Variants in NRCAM observed in about 807,000 individuals in gnomAD.
The protein encoded by NRCAM is neuronal cell adhesion molecule.
A neutral mutation model predicts 156.5 loss-of-function variants in NRCAM; 83 were observed. That is an observed-to-expected ratio of 0.53 (90% CI 0.44 to 0.64). NRCAM has a LOEUF of 0.64. Among genes scored for constraint, NRCAM ranks in the 30% least tolerant of loss-of-function variants. The pLI, the probability that NRCAM is intolerant of heterozygous loss-of-function variation, is 0.00. For missense variants in NRCAM, 1,417 were observed against 1,597.3 expected (o/e 0.89, Z 1.92); for synonymous variants, 538 against 563.9 (o/e 0.95, Z 0.65).
chr7:108,361,754 A>C (rs2099552809), intron 2 of NRCAM, among the ~76,000 whole-genome samples: 1 of 152,116 alleles, frequency 6.6e-6, no homozygotes, highest in African/African-American at 2.4e-5. Flanking sequence ...AGCCAGCCAA[A>C]TCTCTTTATT....
intron 2 of NRCAM, among the ~76,000 whole-genome samples, chr7:108,396,245 T>G (rs1013868731): frequency 1.3e-5 from 2 of 152,184 alleles, no homozygotes; most frequent in African/African-American, 4.8e-5. Context: ...TGCGCATAAA[T>G]GAGTAGAAAC....
rs570174139 is a variant in NRCAM, at chr7:108,237,644, A to G, written c.124+108T>C. 6.6e-6 allele frequency: 5 copies of G among 761,704 alleles called. No homozygotes were observed. In the African/African-American group the frequency reaches 9.0e-5, roughly 14 times the overall value. 47.2% of individuals were successfully genotyped at this position (761,704 alleles called of 1,614,324 possible). A position where few individuals can be genotyped will look rare whatever the true frequency, so the allele number is the denominator to read the frequency against. On this transcript the variant is annotated intron_variant, in intron 5 of 32. Transcript: ENST00000379028. ...AGTAAACACACATGCTTAGAAAGAC[A>G]AAGGTCACAAAACATGAAATTGTGC...
Position 108,183,022 on chromosome 7 carries a change from T to C in NRCAM, c.2305-102A>G, listed in dbSNP as rs77190510. On this transcript the variant is annotated intron_variant, in intron 22 of 32. Coordinates refer to ENST00000379028, the MANE Select transcript of NRCAM (RefSeq NM_001037132.4). ...TTCCCAGACCTACAGAAAGTGATCA[T>C]TGAAATACTAAAACACAAGCTATTA... is the stretch of plus-strand genomic sequence containing the variant. 5.9e-4 allele frequency: 546 copies of C among 924,058 alleles called. 1 individual carries two copies. The African/African-American group carries it at 7.7e-3, about 13-fold the overall frequency. 57.2% of individuals were successfully genotyped at this position (924,058 alleles called of 1,614,324 possible).
chr7:108,339,660 G>A (rs1411580906), intron 2 of NRCAM, among the ~76,000 whole-genome samples: 15 of 152,146 alleles, frequency 9.9e-5, no homozygotes, highest in East Asian at 1.9e-4. Flanking sequence ...ATTGGTAAGC[G>A]TAACTAATCC....
chr7:108,438,525 T>C (rs1383692511), intron 1 of NRCAM, among the ~76,000 whole-genome samples: 2 of 152,240 alleles, frequency 1.3e-5, no homozygotes, highest in Middle Eastern at 3.4e-3. Flanking sequence ...TGACTTCTAT[T>C]AAAAAATCTA....
At chr7:108,150,269 T>C (rs958981413) in intron 32 of NRCAM, 122 bp from the exon 33 acceptor site, 19 of 794,166 alleles carry the variant, frequency 2.4e-5, no homozygotes, top group Admixed American at 7.2e-5. Context: ...TGGCCAAATC[T>C]AATTTTCAGG....
rs190948277 is a variant in NRCAM at position 108,159,332 on chromosome 7, T to A, written c.3677+131A>T. The A allele has an allele frequency of 5.0e-6, 4 of 804,240 alleles. No individual in the cohort carries two copies. In the East Asian group the frequency reaches 9.8e-5, roughly 20 times the overall value. 49.8% of individuals were successfully genotyped at this position (804,240 alleles called of 1,614,324 possible). ...TGAGGGACATGTAAACACTGATACA[T>A]GGAAGTATCCCTAAACTTCTATTTG... On this transcript the variant is annotated intron_variant, in intron 32 of 32. Transcript: ENST00000379028.
chr7:108,182,635 T>C, intron 23 of NRCAM, 60 bp downstream of exon 23: 1 of 1,505,644 alleles, frequency 6.6e-7, no homozygotes, highest in South Asian at 1.1e-5. Flanking sequence ...AGAAATGGCC[T>C]TGGCTTGCAC....
intron 2 of NRCAM, among the ~76,000 whole-genome samples, chr7:108,397,532 T>C (rs2099780386): frequency 6.6e-6 from 1 of 152,154 alleles, no homozygotes; most frequent in African/African-American, 2.4e-5. Context: ...CTCAACCATG[T>C]CCTGGGTGGA....
rs2098201613 is a variant in NRCAM at position 108,289,084 on chromosome 7, T to C, written c.-107+23581A>G. On this transcript the variant is annotated intron_variant, in intron 3 of 32. Coordinates refer to ENST00000379028, the MANE Select transcript of NRCAM (RefSeq NM_001037132.4). The stretch of plus-strand genomic sequence containing the variant: ...AGCGATCACAGGATACAACTGTCTG[T>C]TTCAAATAGAAATGCAAAATAACCA... Among the ~76,000 whole-genome samples, 3 of 152,110 alleles carry C rather than the reference T, an allele frequency of 2.0e-5. No individual in the cohort carries two copies. The South Asian group carries it at 6.2e-4, about 31-fold the overall frequency.
chr7:108,374,027 G>C (rs6968548), intron 2 of NRCAM, among the ~76,000 whole-genome samples: 2 of 152,130 alleles, frequency 1.3e-5, no homozygotes, highest in Non-Finnish European at 2.9e-5. Context: ...CAGAGACACA[G>C]AACTGCTTCA....
intron 3 of NRCAM, among the ~76,000 whole-genome samples, chr7:108,251,827 G>C (rs2096368588): frequency 6.6e-6 from 1 of 152,188 alleles, no homozygotes; most frequent in African/African-American, 2.4e-5. Flanking sequence ...GTGGGGCCAA[G>C]TTGGATAATA....
At chr7:108,317,770 G>A (rs893893124) in intron 2 of NRCAM, among the ~76,000 whole-genome samples, 2 of 151,716 alleles carry the variant, frequency 1.3e-5, no homozygotes, top group African/African-American at 2.4e-5. Context: ...TTAGTTGGAC[G>A]TGGTGGCGGG....
intron 2 of NRCAM, among the ~76,000 whole-genome samples, chr7:108,378,680 C>CACACAAACTCCAAG (rs2099687199): frequency 7.2e-6 from 1 of 139,222 alleles, no homozygotes; most frequent in Non-Finnish European, 1.6e-5. Context: ...CACACACACA[C>CACACAAACTCCAAG]ACACACACAA....
Position 108,180,255 on chromosome 7 carries a change from C to T in NRCAM, c.2819G>A (p.Ser940Asn). 3 of 1,614,210 alleles carry T rather than the reference C, an allele frequency of 1.9e-6. No individual in the cohort carries two copies. The highest frequency in any genetic ancestry group is 1.7e-6 in the Non-Finnish European group (2 of 1,180,024). ...VVNGKGEGPA[S>N]PDRVFNTPEG... The stretch of plus-strand genomic sequence containing the variant: ...TGGAGTATTAAAGACTCTGTCAGGG[C>T]TGGCTGGGCCCTCCCCTTTCCCATT... Residue 940 changes from serine to asparagine, a missense_variant, in exon 25 of 33, where the codon AGC (serine) becomes AAC (asparagine). Coordinates refer to ENST00000379028, the MANE Select transcript of NRCAM (RefSeq NM_001037132.4).
intron 2 of NRCAM, among the ~76,000 whole-genome samples, chr7:108,365,398 T>C (rs1306927840): frequency 6.6e-6 from 1 of 152,194 alleles, no homozygotes; most frequent in Non-Finnish European, 1.5e-5. Flanking sequence ...AGTTTTATTT[T>C]ATTTTTCATT....
intron 1 of NRCAM, among the ~76,000 whole-genome samples, chr7:108,448,499 C>T (rs1211624278): frequency 2.0e-5 from 3 of 152,178 alleles, no homozygotes; most frequent in South Asian, 2.1e-4. Context: ...TTCAATTTTT[C>T]AGTTTTCAAA....
intron 1 of NRCAM, among the ~76,000 whole-genome samples, chr7:108,431,742 G>A (rs1208250451): frequency 2.6e-5 from 4 of 152,144 alleles, no homozygotes; most frequent in African/African-American, 2.4e-5. Flanking sequence ...CTAGGATCAT[G>A]CCACTGCACT....
chr7:108,361,911 G>A (rs2099554659), intron 2 of NRCAM, among the ~76,000 whole-genome samples: 1 of 151,876 alleles, frequency 6.6e-6, no homozygotes, highest in Non-Finnish European at 1.5e-5. Context: ...TCTCTGTAGA[G>A]TCCTGACAAA....
Sources: gnomAD v4.1 joint callset for allele counts (sites outside exome capture counted in the v4.1 genomes callset) on GRCh38, gnomAD v4.1.1 for gene constraint, MANE v1.5 for transcripts, NCBI Gene and HGNC (gene_info 2026-07-23, HGNC 2026-07-21) for gene names.